Variants in ARFGAP3 observed in about 807,000 individuals in gnomAD.
ARFGAP3 encodes ARF GTPase activating protein 3, also known as ADP-ribosylation factor GTPase-activating protein 3.
Under a neutral mutation model 75.0 loss-of-function variants are expected in ARFGAP3, and 72 were observed. That is an observed-to-expected ratio of 0.96 (90% confidence interval 0.79 to 1.17). The LOEUF (loss-of-function observed/expected upper bound fraction) is 1.17, where lower values mean the gene tolerates loss of function less well. Among genes scored for constraint, ARFGAP3 ranks in the 50% most tolerant of loss-of-function variants. ARFGAP3 has a pLI of 0.00. For synonymous variants in ARFGAP3, 221 were observed against 217.9 expected, an observed-to-expected ratio of 1.01 and a Z score of -0.13; for missense variants, 620 against 626.6, an observed-to-expected ratio of 0.99 and a Z score of 0.11.
rs201731967 is a variant in ARFGAP3, at chr22:42,831,533, G to C, written c.565+16C>G. ...AACCATAGAATAGTATTACATGACA[G>C]TTCTAAGGACTCCACCTTCATTATT... On this transcript the variant is annotated intron_variant, in intron 6 of 15. Transcript: ENST00000263245. The C allele has an allele frequency of 1.9e-6, 3 of 1,609,500 alleles. No individual in the cohort carries two copies. Among genetic ancestry groups the C allele is most frequent in the Non-Finnish European group, 2.6e-6 (3 of 1,176,220 alleles).
At chr22:42,820,682 A>G (rs935254927) in intron 9 of ARFGAP3, among the ~76,000 whole-genome samples, 2 of 152,222 alleles carry the variant, frequency 1.3e-5, no homozygotes, top group Non-Finnish European at 2.9e-5. Flanking sequence ...ATTAAAAAAC[A>G]CACACATAAA....
At chr22:42,802,104 C>T (rs1924887508) in intron 14 of ARFGAP3, among the ~76,000 whole-genome samples, 1 of 151,884 alleles carries the variant, frequency 6.6e-6, no homozygotes, top group Non-Finnish European at 1.5e-5. Flanking sequence ...CTGAAAGATC[C>T]CTGTGGGAAG....
chr22:42,834,306 A>T lies in ARFGAP3; in HGVS notation c.413T>A (p.Val138Glu). Residue 138 changes from valine to glutamate, a missense_variant, in exon 5 of 16, where the codon GTG becomes GAG. By Grantham distance (121) the Val-to-Glu change is moderately radical (BLOSUM62 -2). Coordinates refer to ENST00000263245, the MANE Select transcript of ARFGAP3 (RefSeq NM_014570.5). ...TGGTGGAGGGGACAAAGGTGGAACCACACAACTATCAAGCCACAGCTAGAA... is the reference window on the plus strand; with the variant it reads ...TGGTGGAGGGGACAAAGGTGGAACCTCACAACTATCAAGCCACAGCTAGAA... ...HGTDLWLDSC[V>E]VPPLSPPPKE... 6.2e-7 allele frequency: 1 copy of T among 1,613,814 alleles called. No homozygotes were observed. Among genetic ancestry groups the T allele is most frequent in the Non-Finnish European group, 8.5e-7 (1 of 1,179,948 alleles).
At chr22:42,821,540 G>C (rs1024981605) in intron 9 of ARFGAP3, among the ~76,000 whole-genome samples, 33 of 152,170 alleles carry the variant, frequency 2.2e-4, no homozygotes, top group African/African-American at 8.0e-4. Context: ...TATCCATGTT[G>C]TGGCCAATAT....
In ARFGAP3 at chr22:42,822,809, A is replaced by T. The variant is rs563599113; in HGVS notation, c.673-400T>A. Among the ~76,000 whole-genome samples, 101 of 150,860 alleles carry T rather than the reference A, an allele frequency of 6.7e-4. 2 individuals carry two copies. The highest frequency in any genetic ancestry group is 2.3e-3 in the African/African-American group (94 of 41,094). ...TTTTACTGTTGTATTCTTACTTTTT[A>T]TTTTTTTTTACTTTTTTTGAGACAG... On this transcript the variant is annotated intron_variant, in intron 8 of 15. Coordinates refer to ENST00000263245, the MANE Select transcript of ARFGAP3 (RefSeq NM_014570.5).
At chr22:42,820,527 G>A (rs1374207214) in intron 9 of ARFGAP3, among the ~76,000 whole-genome samples, 1 of 152,190 alleles carries the variant, frequency 6.6e-6, no homozygotes, top group Non-Finnish European at 1.5e-5. Context: ...GCCAGGTACT[G>A]TTTGATGCAC....
At chr22:42,832,679 C>T (rs757829138) in intron 5 of ARFGAP3, among the ~76,000 whole-genome samples, 78 of 152,176 alleles carry the variant, frequency 5.1e-4, no homozygotes, top group Non-Finnish European at 8.5e-4. Flanking sequence ...GGTAGGCACA[C>T]GTTACCTTAA....
At chr22:42,819,530 G>A (rs1925722282) in intron 9 of ARFGAP3, among the ~76,000 whole-genome samples, 2 of 151,996 alleles carry the variant, frequency 1.3e-5, no homozygotes, top group Admixed American at 1.3e-4. Flanking sequence ...AGAACTTCAG[G>A]AGTGCTTACG....
Position 42,826,923 on chromosome 22 carries a change from G to C in ARFGAP3, c.625+17C>G, listed in dbSNP as rs1926064543. On this transcript the variant is annotated intron_variant, in intron 7 of 15. Transcript: ENST00000263245. ...TCATACACTTTAAATCAGAATGTAGGATTTTAAGCATATTACCTAAAGTAG... is the reference window on the plus strand; with the variant it reads ...TCATACACTTTAAATCAGAATGTAGCATTTTAAGCATATTACCTAAAGTAG... 2 of 1,608,718 alleles carry C rather than the reference G, an allele frequency of 1.2e-6. No homozygotes were observed. The highest frequency in any genetic ancestry group is 1.1e-5 in the South Asian group (1 of 90,234).
intron 1 of ARFGAP3, 63 bp downstream of exon 1, chr22:42,857,051 C>A: frequency 1.4e-6 from 2 of 1,452,550 alleles, no homozygotes; most frequent in Non-Finnish European, 1.8e-6. Context: ...CTGGCGCCCG[C>A]GGGGCCTCCC....
chr22:42,805,513 C>A (rs561875241), intron 14 of ARFGAP3, among the ~76,000 whole-genome samples: 1 of 152,326 alleles, frequency 6.6e-6, no homozygotes, highest in East Asian at 1.9e-4. Flanking sequence ...GAGTGCCTCT[C>A]TGCCAGGGGT....
At chr22:42,835,980 CTTTTTTTTTT>C (rs545758118) in intron 3 of ARFGAP3, among the ~76,000 whole-genome samples, 22 of 105,744 alleles carry the variant, frequency 2.1e-4, no homozygotes, top group Admixed American at 3.1e-4. Context: ...CCATTTCTTT[CTTTTTTTTTT>C]TTTTTTTTTT....
At chr22:42,800,659 C>T (rs1450570213) in intron 14 of ARFGAP3, among the ~76,000 whole-genome samples, 3 of 152,234 alleles carry the variant, frequency 2.0e-5, no homozygotes, top group East Asian at 3.9e-4. Flanking sequence ...ATGCCCACCA[C>T]AGATGCAGGT....
Position 42,840,969 on chromosome 22 carries a change from A to G in ARFGAP3, c.236T>C (p.Met79Thr), listed in dbSNP as rs755655994. 13 of 1,614,190 alleles carry G rather than the reference A, an allele frequency of 8.1e-6. No individual in the cohort carries two copies. Among genetic ancestry groups the G allele is most frequent in the Non-Finnish European group, 1.0e-5 (12 of 1,180,014 alleles). The stretch of plus-strand genomic sequence containing the variant: ...TGCACTAGCGTTTCCTCCGACTTGC[A>G]TGCATCGCAACTGAAACCATGACCA... ...SNWSWFQLRC[M>T]QVGGNASASS... The change falls in exon 3 of 16, where the codon ATG becomes ACG. Residue 79 changes from methionine to threonine, a missense_variant. By Grantham distance (81) the Met-to-Thr change is moderately conservative (BLOSUM62 -1). Coordinates refer to ENST00000263245, the MANE Select transcript of ARFGAP3 (RefSeq NM_014570.5).
intron 3 of ARFGAP3, among the ~76,000 whole-genome samples, chr22:42,835,899 C>T (rs181865012): frequency 6.6e-6 from 1 of 152,128 alleles, no homozygotes; most frequent in Non-Finnish European, 1.5e-5. Context: ...TCCATTAAAC[C>T]ATCTCTGTCA....
intron 2 of ARFGAP3, 90 bp downstream of exon 2, chr22:42,847,424 A>C: frequency 8.7e-7 from 1 of 1,154,474 alleles, no homozygotes; most frequent in Non-Finnish European, 1.3e-6. Flanking sequence ...AAGGCAAGAC[A>C]CTGTCTCAAA....
chr22:42,817,333 C>CT, intron 10 of ARFGAP3, 69 bp from the exon 11 acceptor site: 1 of 1,516,318 alleles, frequency 6.6e-7, no homozygotes, highest in Non-Finnish European at 8.8e-7. Flanking sequence ...ATAAACAAAG[C>CT]TTTAATTTAT....
intron 14 of ARFGAP3, among the ~76,000 whole-genome samples, chr22:42,803,519 G>A (rs1924972662): frequency 2.0e-5 from 3 of 152,160 alleles, no homozygotes; most frequent in African/African-American, 7.2e-5. Context: ...GGGGCAGCTG[G>A]GTTTTAAGCT....
intron 9 of ARFGAP3, among the ~76,000 whole-genome samples, chr22:42,819,408 C>A (rs1435578314): frequency 1.3e-5 from 2 of 152,132 alleles, no homozygotes; most frequent in Non-Finnish European, 2.9e-5. Context: ...GTTTTCCTTC[C>A]TAGGTAATCT....
Sources: allele counts gnomAD v4.1 joint callset (sites outside exome capture counted in the v4.1 genomes callset), GRCh38; gene constraint gnomAD v4.1.1; transcripts MANE v1.5; gene names NCBI Gene and HGNC (gene_info 2026-07-23, HGNC 2026-07-21).